Variants in FLNC observed in about 807,000 individuals in gnomAD.
FLNC encodes filamin-C.
FLNC carries 91 observed loss-of-function variants against 254.3 expected under a neutral mutation model. The ratio of observed to expected loss-of-function variants is 0.36; its 90% CI spans 0.30 to 0.43. The LOEUF (loss-of-function observed/expected upper bound fraction) is 0.43, where lower values mean the gene tolerates loss of function less well. Ranked by LOEUF, FLNC falls within the 20% of genes least tolerant of loss-of-function variation. FLNC has a pLI of 1.00. For synonymous variants in FLNC, 1,430 were observed against 1,577.2 expected (o/e 0.91, Z 2.21); for missense variants, 2,853 against 3,802.6 (o/e 0.75, Z 6.57).
Position 128,835,317 on chromosome 7 carries a change from C to T in FLNC, c.353-9C>T, listed in dbSNP as rs778957130. 5 of 1,613,210 alleles carry T rather than the reference C, an allele frequency of 3.1e-6. No individual in the cohort carries two copies. The highest frequency in any genetic ancestry group is 2.2e-5 in the East Asian group (1 of 44,884). ...GCCCCTGAGCCCGTCTGTGCCCTCCCCTCTGCAGACAGCAAGGCCATCGTG... is the reference window on the plus strand; with the variant it reads ...GCCCCTGAGCCCGTCTGTGCCCTCCTCTCTGCAGACAGCAAGGCCATCGTG... On this transcript the variant is annotated splice_polypyrimidine_tract_variant and intron_variant, in intron 1 of 47. Transcript: ENST00000325888. This position sits in a 1 kb window ranked among gnomAD's most constrained non-coding sequence, Gnocchi z 5.3.
Position 128,857,592 on chromosome 7 carries a change from C to T in FLNC, c.7780+256C>T, listed in dbSNP as rs1809121403. On this transcript the variant is annotated intron_variant, in intron 46 of 47. Coordinates refer to ENST00000325888, the MANE Select transcript of FLNC (RefSeq NM_001458.5). This position sits in a 1 kb window ranked among gnomAD's most constrained non-coding sequence, Gnocchi z 4.5. ...CCTGCGCTGGCTCCTCAGGCTCTAG[C>T]ACCACTTTCTTCCCTCCTGGCTTCC... is the stretch of plus-strand genomic sequence containing the variant. 1.3e-5 allele frequency among the ~76,000 whole-genome samples: 2 copies of T among 151,586 alleles called. No homozygotes were observed. Among genetic ancestry groups the T allele is most frequent in the African/African-American group, 2.4e-5 (1 of 40,908 alleles).
chr7:128,856,373 T>TGGGCTGGCAGGCAGGGGCC lies in FLNC; in HGVS notation c.7252-144_7252-126dup, dbSNP rs1347659713. 5 of 996,454 alleles carry TGGGCTGGCAGGCAGGGGCC rather than the reference T, an allele frequency of 5.0e-6. No homozygotes were observed. The highest frequency in any genetic ancestry group is 3.6e-5 in the Admixed American group (2 of 55,358). 61.7% of individuals were successfully genotyped at this position (996,454 alleles called of 1,614,324 possible). A position where few individuals can be genotyped will look rare whatever the true frequency, so the allele number is the denominator to read the frequency against. The stretch of plus-strand genomic sequence containing the variant: ...ACCCTGGCTCCTCCTGCTCCCAGGC[T>TGGGCTGGCAGGCAGGGGCC]GGGCTGGCAGGCAGGGGCCAGGCTG... On this transcript the variant is annotated intron_variant, in intron 43 of 47. Coordinates refer to ENST00000325888, the MANE Select transcript of FLNC (RefSeq NM_001458.5). This position sits in a 1 kb window ranked among gnomAD's most constrained non-coding sequence, Gnocchi z 5.9.
chr7:128,854,014 A>G lies in FLNC; in HGVS notation c.6525A>G (p.Thr2175=), dbSNP rs1207990462. The G allele has an allele frequency of 6.2e-7, 1 of 1,613,100 alleles. No homozygotes were observed. Among genetic ancestry groups the G allele is most frequent in the African/African-American group, 1.3e-5 (1 of 74,910 alleles). ...TGGTGTCTGCCCAGGAGCGCCTGAC[A>G]CGCACCTTCACACGCAGCAGCCACA... is the stretch of plus-strand genomic sequence containing the variant. ...FQMVSAQERL[T]RTFTRSSHTY... is the part of the protein sequence containing the mutation. Residue 2175 remains threonine (T), a synonymous_variant, in exon 40 of 48, where the codon ACA becomes ACG. Coordinates refer to ENST00000325888, the MANE Select transcript of FLNC (RefSeq NM_001458.5).
chr7:128,849,604 T>G, intron 30 of FLNC, 26 bp downstream of exon 30: 1 of 1,610,414 alleles, frequency 6.2e-7, no homozygotes, highest in Non-Finnish European at 8.5e-7. Flanking sequence ...ACAGCAAGAC[T>G]AGATGGCTGG....
rs1809092638 is a variant in FLNC, at chr7:128,857,022, AGG to A, written c.7562-95_7562-94del. On this transcript the variant is annotated intron_variant, in intron 45 of 47. Coordinates refer to ENST00000325888, the MANE Select transcript of FLNC (RefSeq NM_001458.5). The surrounding 1 kb of genome is among the most constrained non-coding windows in gnomAD (Gnocchi z 4.5). ...AGGTAGGGGCCCTGCTTCCTAAGCC[AGG>A]AGTCCCCACAGAGGCTGTCCAGGGA... is the stretch of plus-strand genomic sequence containing the variant. 2.6e-5 allele frequency: 41 copies of A among 1,570,716 alleles called. No homozygotes were observed. The highest frequency in any genetic ancestry group is 3.3e-5 in the Non-Finnish European group (38 of 1,143,058).
At position 128,844,689 on chromosome 7, in the gene FLNC, G is replaced by T. The variant is rs2128936350; in HGVS notation, c.3224G>T (p.Gly1075Val). Reference sequence around the variant, plus strand: ...GCTTATGGCCCGGGTCTCAAGGGTGGACTGGTAGGCACCCCCGCGCCATTC... The same window carrying T: ...GCTTATGGCCCGGGTCTCAAGGGTGTACTGGTAGGCACCCCCGCGCCATTC... ...VCAYGPGLKG[G>V]LVGTPAPFSI... is the part of the protein sequence containing the mutation. The change falls in exon 21 of 48, where the codon GGA (glycine) becomes GTA (valine). Residue 1075 changes from glycine (G) to valine (V), a missense_variant. Gly to Val is a moderately radical substitution (Grantham distance 109). This residue lies in a region of FLNC where 1,573 missense variants were observed against 1,883.5 expected (regional missense o/e 0.84). Coordinates refer to ENST00000325888, the MANE Select transcript of FLNC (RefSeq NM_001458.5). The T allele has an allele frequency of 6.2e-7, 1 of 1,613,352 alleles. No individual in the cohort carries two copies. Among genetic ancestry groups the T allele is most frequent in the African/African-American group, 1.3e-5 (1 of 75,036 alleles).
intron 33 of FLNC, 60 bp from the exon 34 acceptor site, chr7:128,851,172 C>G (rs1195975957): frequency 6.2e-7 from 1 of 1,612,004 alleles, no homozygotes; most frequent in Non-Finnish European, 8.5e-7. Context: ...GTGCTGGGGC[C>G]AAGGTGGGCT....
intron 26 of FLNC, 80 bp downstream of exon 26, chr7:128,848,148 G>GGAGTCCCCTGGGA (rs1808643854): frequency 9.3e-6 from 14 of 1,504,638 alleles, no homozygotes; most frequent in Non-Finnish European, 1.3e-5. Context: ...GATCACTGCT[G>GGAGTCCCCTGGGA]GAGTCCCCTG....
At chr7:128,845,289 T>A (rs1363374021) in intron 21 of FLNC, 34 bp downstream of exon 21, 1 of 1,562,172 alleles carries the variant, frequency 6.4e-7, no homozygotes, top group Non-Finnish European at 8.8e-7. Context: ...AAAGGTCAAG[T>A]GGCAGGTGCA....
At chr7:128,849,807 C>G (rs1218498782) in intron 30 of FLNC, among the ~76,000 whole-genome samples, 169 bp from the exon 31 acceptor site, 1 of 152,222 alleles carries the variant, frequency 6.6e-6, no homozygotes, top group Non-Finnish European at 1.5e-5. Context: ...TCTGGAGGAA[C>G]CCGCTGTGCT....
rs1809058652 is a variant in FLNC at position 128,856,392 on chromosome 7, C to A, written c.7252-126C>A. On this transcript the variant is annotated intron_variant, in intron 43 of 47. Coordinates refer to ENST00000325888, the MANE Select transcript of FLNC (RefSeq NM_001458.5). This position sits in a 1 kb window ranked among gnomAD's most constrained non-coding sequence, Gnocchi z 5.9. Reference sequence around the variant, plus strand: ...CCAGGCTGGGCTGGCAGGCAGGGGCCAGGCTGGGCATGGGGTGGCAGCAGC... The same window carrying A: ...CCAGGCTGGGCTGGCAGGCAGGGGCAAGGCTGGGCATGGGGTGGCAGCAGC... 3.1e-6 allele frequency: 4 copies of A among 1,285,026 alleles called. No homozygotes were observed. Among genetic ancestry groups the A allele is most frequent in the Non-Finnish European group, 3.3e-6 (3 of 904,352 alleles). 79.6% of individuals were successfully genotyped at this position (1,285,026 alleles called of 1,614,324 possible). A position where few individuals can be genotyped will look rare whatever the true frequency, so the allele number is the denominator to read the frequency against.
Position 128,837,271 on chromosome 7 carries a change from TG to T in FLNC, c.699+18del. On this transcript the variant is annotated intron_variant, in intron 3 of 47. Coordinates refer to ENST00000325888, the MANE Select transcript of FLNC (RefSeq NM_001458.5). The stretch of plus-strand genomic sequence containing the variant: ...GGGGTGCCCCAGGTACATGCGCAGA[TG>T]GGGCAGGGGGGAAAGGGGGCAGGGG... The T allele has an allele frequency of 8.3e-7, 1 of 1,210,750 alleles. No individual in the cohort carries two copies. The highest frequency in any genetic ancestry group is 1.2e-6 in the Non-Finnish European group (1 of 841,530). 75.0% of individuals were successfully genotyped at this position (1,210,750 alleles called of 1,614,324 possible).
In FLNC at chr7:128,841,486, C is replaced by T. The variant is rs368121231; in HGVS notation, c.2040C>T (p.Thr680=). Residue 680 remains threonine, a synonymous_variant, in exon 13 of 48, where the codon ACC becomes ACT. Transcript: ENST00000325888. The surrounding 1 kb of genome is among the most constrained non-coding windows in gnomAD (Gnocchi z 4.3). ...CCTTTGGGCCTGGCCTGGAGCCTAC[C>T]GGCTGCATCGTGGACAAGCCCGCTG... ...VKAFGPGLEP[T]GCIVDKPAEF... is the part of the protein sequence containing the mutation. 5.1e-5 allele frequency: 82 copies of T among 1,614,044 alleles called. No individual in the cohort carries two copies. Among genetic ancestry groups the T allele is most frequent in the South Asian group, 1.3e-4 (12 of 91,092 alleles).
In FLNC at chr7:128,851,636, G is replaced by A. The variant is rs781168906; in HGVS notation, c.5842+8G>A. The A allele has an allele frequency of 1.1e-4, 182 of 1,613,526 alleles. 2 individuals carry two copies. The Admixed American group carries it at 1.5e-3, about 13-fold the overall frequency. On this transcript the variant is annotated splice_region_variant and intron_variant, in intron 35 of 47. Coordinates refer to ENST00000325888, the MANE Select transcript of FLNC (RefSeq NM_001458.5). ...TCACAGCCAAGATCACAGGTGAGGC[G>A]GGTGTATGGGCATGTACAGCCCATG...
Position 128,849,970 on chromosome 7 carries a change from C to T in FLNC, c.5200-6C>T, listed in dbSNP as rs1423562232. ...CACCCTGTGCCCCCGTGCCTTGCCTCCCCAGGCGTGTGACCCCCTGCCGCA... is the reference window on the plus strand; with the variant it reads ...CACCCTGTGCCCCCGTGCCTTGCCTTCCCAGGCGTGTGACCCCCTGCCGCA... On this transcript the variant is annotated splice_polypyrimidine_tract_variant and splice_region_variant and intron_variant, in intron 30 of 47. Transcript: ENST00000325888. The T allele has an allele frequency of 6.3e-7, 1 of 1,583,434 alleles. No homozygotes were observed. The highest frequency in any genetic ancestry group is 8.6e-7 in the Non-Finnish European group (1 of 1,168,254).
chr7:128,846,903 C>T lies in FLNC; in HGVS notation c.4286C>T (p.Pro1429Leu). ...VNITFGGRPI[P>L]GSPFRVPVKD... The stretch of plus-strand genomic sequence containing the variant: ...ATCACCTTCGGGGGGCGGCCCATCC[C>T]AGGTGTGCAGAGAGAGTGGTCGGGG... The change falls in exon 24 of 48, where the codon CCA (proline) becomes CTA (leucine). Residue 1429 changes from proline (P) to leucine (L), a missense_variant and splice_region_variant. By Grantham distance (98) the Pro-to-Leu change is moderately conservative (BLOSUM62 -3). Transcript: ENST00000325888. 6.2e-7 allele frequency: 1 copy of T among 1,614,168 alleles called. No individual in the cohort carries two copies. The highest frequency in any genetic ancestry group is 8.5e-7 in the Non-Finnish European group (1 of 1,180,026).
intron 16 of FLNC, 66 bp downstream of exon 16, chr7:128,843,020 C>A: frequency 6.4e-7 from 1 of 1,569,896 alleles, no homozygotes; most frequent in Non-Finnish European, 8.7e-7. Context: ...GCTGGAGATG[C>A]TGTCACTGGG....
chr7:128,832,785 G>A (rs1807944775), intron 1 of FLNC, among the ~76,000 whole-genome samples: 2 of 152,234 alleles, frequency 1.3e-5, no homozygotes, highest in Admixed American at 1.3e-4. Context: ...CAATTCAGCT[G>A]CCGGCCCCAG....
At chr7:128,833,445 C>T (rs542751965) in intron 1 of FLNC, among the ~76,000 whole-genome samples, 2 of 152,332 alleles carry the variant, frequency 1.3e-5, no homozygotes, top group South Asian at 2.1e-4. Flanking sequence ...TCTGCCTGGC[C>T]TCCGAGAGGG....
Sources: gnomAD v4.1 joint callset for allele counts (sites outside exome capture counted in the v4.1 genomes callset) on GRCh38, gnomAD v4.1.1 for gene constraint, gnomAD v4.1.1 regional missense constraint, Gnocchi (gnomAD v3.1) non-coding constraint, MANE v1.5 for transcripts, NCBI Gene and HGNC (gene_info 2026-07-23, HGNC 2026-07-21) for gene names.